DOCK10: variants seen among roughly 807,000 people sequenced by gnomAD.
DOCK10 encodes the protein dedicator of cytokinesis protein 10.
DOCK10 carries 145 observed loss-of-function variants against 280.1 expected under a neutral mutation model. The observed-to-expected ratio is 0.52, with a 90% confidence interval of 0.45 to 0.59. DOCK10 has a LOEUF of 0.59. Ranked by LOEUF, DOCK10 falls within the 20% of genes least tolerant of loss-of-function variation. The pLI is 0.00. For missense variants in DOCK10, 2,368 were observed against 2,651.7 expected (o/e 0.89, Z 2.35); for synonymous variants, 915 against 942.2 (o/e 0.97, Z 0.53).
intron 34 of DOCK10, 61 bp downstream of exon 34, chr2:224,806,065 G>T: frequency 1.0e-6 from 1 of 972,440 alleles, no homozygotes; most frequent in Non-Finnish European, 1.6e-6. Flanking sequence ...AAAGCACAAT[G>T]ATATACAATG....
At chr2:224,798,089 G>A in intron 41 of DOCK10, 120 bp from the exon 42 acceptor site, 1 of 949,056 alleles carries the variant, frequency 1.1e-6, no homozygotes, top group Non-Finnish European at 1.6e-6. Flanking sequence ...AGAAATAAAG[G>A]ATTGAACAAG....
Position 224,775,053 on chromosome 2 carries a change from G to A in DOCK10, c.5865C>T (p.Phe1955=). 6.2e-7 allele frequency: 1 copy of A among 1,614,034 alleles called. No individual in the cohort carries two copies. The highest frequency in any genetic ancestry group is 1.7e-5 in the Admixed American group (1 of 60,026). The part of the protein sequence containing the change: ...AYIQVTYVTP[F]FEEKEIEDRK... ...GGTCTTCGATTTCCTTTTCCTCAAA[G>A]AACGGCGTCACATAGGTCACCTGGA... The change falls in exon 52 of 56, where the codon TTC becomes TTT. Residue 1955 remains phenylalanine, a synonymous_variant. Transcript: ENST00000258390.
At position 224,804,781 on chromosome 2, in the gene DOCK10, T is replaced by C; in HGVS notation, c.4166+13A>G. ...AAAGACCAGATTAACCTATTGGAAT[T>C]TAAAATTAGTACCTTATTATGTTGC... On this transcript the variant is annotated intron_variant, in intron 38 of 55. Coordinates refer to ENST00000258390, the MANE Select transcript of DOCK10 (RefSeq NM_014689.3). 1 of 1,482,474 alleles carries C rather than the reference T, an allele frequency of 6.7e-7. No homozygotes were observed. The highest frequency in any genetic ancestry group is 9.0e-7 in the Non-Finnish European group (1 of 1,106,760). 91.8% of individuals were successfully genotyped at this position (1,482,474 alleles called of 1,614,324 possible). A position where few individuals can be genotyped will look rare whatever the true frequency, so the allele number is the denominator to read the frequency against.
intron 1 of DOCK10, among the ~76,000 whole-genome samples, chr2:225,001,184 G>A (rs1197352099): frequency 1.3e-5 from 2 of 152,090 alleles, no homozygotes; most frequent in Non-Finnish European, 2.9e-5. Context: ...GCCACATTCA[G>A]GGTATATGCA....
At chr2:224,808,193 G>A (rs1693527369) in intron 31 of DOCK10, 107 bp from the exon 32 acceptor site, 1 of 1,002,430 alleles carries the variant, frequency 1.0e-6, no homozygotes, top group Non-Finnish European at 1.5e-6. Context: ...ACCACTAGGA[G>A]GGATTCAGGA....
intron 2 of DOCK10, among the ~76,000 whole-genome samples, chr2:224,921,108 A>ATATATATATATAT (rs1553613930): frequency 1.4e-5 from 1 of 71,076 alleles, no homozygotes; most frequent in African/African-American, 1.0e-4. Context: ...AAAAAAAAAA[A>ATATATATATATAT]AAAAATATAT....
intron 25 of DOCK10, 115 bp downstream of exon 25, chr2:224,837,647 T>C: frequency 1.3e-6 from 1 of 776,854 alleles, no homozygotes; most frequent in Admixed American, 2.1e-5. Flanking sequence ...CTGATATTAC[T>C]GTGGTGGGCG....
chr2:224,845,116 G>GA, intron 21 of DOCK10, 87 bp downstream of exon 21: 1 of 1,358,364 alleles, frequency 7.4e-7, no homozygotes. Context: ...TGTCCACTAT[G>GA]ATCTTAAGTA....
intron 4 of DOCK10, 104 bp from the exon 5 acceptor site, chr2:224,886,635 C>A: frequency 1.2e-6 from 1 of 848,928 alleles, no homozygotes; most frequent in Non-Finnish European, 1.8e-6. Flanking sequence ...GGTGTTCTTA[C>A]AAATTTCTGT....
At chr2:225,023,500 A>G (rs1276239668) in intron 1 of DOCK10, among the ~76,000 whole-genome samples, 1 of 152,212 alleles carries the variant, frequency 6.6e-6, no homozygotes, top group Non-Finnish European at 1.5e-5. Flanking sequence ...CAAATTTGAA[A>G]AGTGATTTAA....
intron 2 of DOCK10, 51 bp downstream of exon 2, chr2:224,931,498 C>T: frequency 6.5e-7 from 1 of 1,545,082 alleles, no homozygotes; most frequent in Non-Finnish European, 8.7e-7. Flanking sequence ...GACAATGACC[C>T]AATGTGTAGG....
rs1042261440 is a variant in DOCK10, at chr2:224,786,688, A to C, written c.5655+334T>G. On this transcript the variant is annotated intron_variant, in intron 50 of 55. Transcript: ENST00000258390. This position sits in a 1 kb window ranked among gnomAD's most constrained non-coding sequence, Gnocchi z 4.7. ...TTATTTCTTAAAACATATTCAATTT[A>C]ATTTCACTTTAATATATGGCGTAAA... Among the ~76,000 whole-genome samples the C allele has an allele frequency of 6.6e-6, 1 of 152,218 alleles. No individual in the cohort carries two copies. The highest frequency in any genetic ancestry group is 1.5e-5 in the Non-Finnish European group (1 of 68,044).
intron 1 of DOCK10, among the ~76,000 whole-genome samples, chr2:224,935,617 G>T (rs141815065): frequency 3.3e-5 from 5 of 152,264 alleles, no homozygotes; most frequent in Admixed American, 6.5e-5. Context: ...TCTGTAAAAT[G>T]GTTTAGTTAG....
chr2:224,964,243 A>G (rs980934671), intron 1 of DOCK10, among the ~76,000 whole-genome samples: 1 of 152,192 alleles, frequency 6.6e-6, no homozygotes, highest in Admixed American at 6.5e-5. Context: ...TGCTGTAATA[A>G]TAAGGGATAC....
At chr2:224,823,282 G>A (rs1378228217) in intron 28 of DOCK10, among the ~76,000 whole-genome samples, 1 of 151,560 alleles carries the variant, frequency 6.6e-6, no homozygotes, top group Non-Finnish European at 1.5e-5. Context: ...CATCGCGCCC[G>A]GCCTTCTAAC....
chr2:224,877,465 GGAA>G (rs1559634293), intron 7 of DOCK10, among the ~76,000 whole-genome samples: 1 of 150,712 alleles, frequency 6.6e-6, no homozygotes, highest in Non-Finnish European at 1.5e-5. Context: ...CTATTCTATT[GGAA>G]TAGGTTCCTA....
At chr2:224,778,764 C>T (rs1373175695) in intron 50 of DOCK10, among the ~76,000 whole-genome samples, 1 of 152,090 alleles carries the variant, frequency 6.6e-6, no homozygotes, top group Non-Finnish European at 1.5e-5. Context: ...GACGTGCATC[C>T]CACATAATCT....
intron 28 of DOCK10, among the ~76,000 whole-genome samples, chr2:224,822,730 A>T (rs1223928199): frequency 3.3e-5 from 5 of 152,068 alleles, no homozygotes; most frequent in Non-Finnish European, 5.9e-5. Context: ...AAATAAAGAA[A>T]AAAAAGAGCC....
chr2:224,963,143 G>T (rs942685231), intron 1 of DOCK10, among the ~76,000 whole-genome samples: 1 of 152,066 alleles, frequency 6.6e-6, no homozygotes, highest in Non-Finnish European at 1.5e-5. Context: ...CCACCAATCC[G>T]ATTTGAGCCA....
Sources: allele counts gnomAD v4.1 joint callset (sites outside exome capture counted in the v4.1 genomes callset), GRCh38; gene constraint gnomAD v4.1.1; non-coding constraint Gnocchi (gnomAD v3.1); transcripts MANE v1.5; gene names NCBI Gene and HGNC (gene_info 2026-07-23, HGNC 2026-07-21).